Variants in ZNG1E observed in about 807,000 individuals in gnomAD.
ZNG1E encodes zinc-regulated GTPase metalloprotein activator 1E.
chr9:65,680,386 A>G, the ZNG1E span, among the ~76,000 whole-genome samples: 4 of 152,188 alleles, frequency 2.6e-5, no homozygotes, highest in Middle Eastern at 3.2e-3. Context: ...TTTTTTCATC[A>G]TCTTATTAAA....
At chr9:65,661,848 A>G in the ZNG1E span, among the ~76,000 whole-genome samples, 3 of 152,254 alleles carry the variant, frequency 2.0e-5, no homozygotes, top group Non-Finnish European at 2.9e-5. Context: ...GCACAACTGT[A>G]TAAATGTTAT....
chr9:65,657,254 A>C, the ZNG1E span, among the ~76,000 whole-genome samples: 1 of 151,390 alleles, frequency 6.6e-6, no homozygotes, highest in South Asian at 2.1e-4. Flanking sequence ...TATATTGAAA[A>C]GATATCTGCA....
the ZNG1E span, among the ~76,000 whole-genome samples, chr9:65,668,480 A>G: frequency 6.6e-6 from 1 of 150,760 alleles, no homozygotes; most frequent in African/African-American, 2.4e-5. Flanking sequence ...CATAATTTAT[A>G]TATAAATACT....
the ZNG1E span, among the ~76,000 whole-genome samples, chr9:65,687,778 T>C: frequency 6.9e-6 from 1 of 145,646 alleles, no homozygotes; most frequent in South Asian, 2.3e-4. Flanking sequence ...TTTTTCTCCC[T>C]CCCTCCTTGA....
At chr9:65,677,446 A>G in the ZNG1E span, among the ~76,000 whole-genome samples, 1 of 152,196 alleles carries the variant, frequency 6.6e-6, no homozygotes, top group African/African-American at 2.4e-5. Context: ...CCCTTTGTCC[A>G]TCTTTAGCTA....
chr9:65,662,946 A>G, the ZNG1E span, among the ~76,000 whole-genome samples: 12 of 152,000 alleles, frequency 7.9e-5, no homozygotes, highest in African/African-American at 2.7e-4. Context: ...TCTTGATCCA[A>G]GAGCTTTTAG....
chr9:65,659,189 T>C, the ZNG1E span, among the ~76,000 whole-genome samples: 1 of 152,146 alleles, frequency 6.6e-6, no homozygotes, highest in Non-Finnish European at 1.5e-5. Flanking sequence ...CACAGAGCAG[T>C]GCCTACCACA....
the ZNG1E span, among the ~76,000 whole-genome samples, chr9:65,660,828 G>GAT: frequency 7.8e-4 from 102 of 130,258 alleles, no homozygotes; most frequent in South Asian, 7.3e-4. Flanking sequence ...TGGTTATACA[G>GAT]ATATATATAT....
chr9:65,680,582 T>C, the ZNG1E span, among the ~76,000 whole-genome samples: 1 of 152,224 alleles, frequency 6.6e-6, no homozygotes, highest in Admixed American at 6.6e-5. Context: ...AGCTGAAATA[T>C]AAAAAATATG....
chr9:65,710,713 T>C, the ZNG1E span, among the ~76,000 whole-genome samples: 1 of 149,970 alleles, frequency 6.7e-6, no homozygotes, highest in Non-Finnish European at 1.5e-5. Context: ...CATTGATCTA[T>C]ATCTCTGTTT....
the ZNG1E span, among the ~76,000 whole-genome samples, chr9:65,687,474 A>G: frequency 6.6e-6 from 1 of 152,250 alleles, no homozygotes; most frequent in Non-Finnish European, 1.5e-5. Flanking sequence ...TTGGCTAGGT[A>G]TAAAATTTAT....
chr9:65,698,861 T>A, the ZNG1E span, among the ~76,000 whole-genome samples: 1 of 141,060 alleles, frequency 7.1e-6, no homozygotes, highest in Non-Finnish European at 1.5e-5. Flanking sequence ...TTCTTTGGGA[T>A]TGAAGATTTT....
chr9:65,721,069 G>A, the ZNG1E span, among the ~76,000 whole-genome samples: 1 of 149,776 alleles, frequency 6.7e-6, no homozygotes, highest in Non-Finnish European at 1.5e-5. Context: ...AGAACGTGAT[G>A]CCAAGAATCA....
chr9:65,658,028 G>A, the ZNG1E span, among the ~76,000 whole-genome samples: 3 of 152,160 alleles, frequency 2.0e-5, no homozygotes, highest in Admixed American at 1.3e-4. Context: ...GAACCTGGGA[G>A]GCGGAGGTTG....
At chr9:65,691,383 C>T in the ZNG1E span, among the ~76,000 whole-genome samples, 1 of 151,416 alleles carries the variant, frequency 6.6e-6, no homozygotes, top group East Asian at 1.9e-4. Flanking sequence ...CACCCTGCCT[C>T]TTTTGTTTTT....
the ZNG1E span, among the ~76,000 whole-genome samples, chr9:65,709,304 C>G: frequency 6.6e-6 from 1 of 150,626 alleles, no homozygotes. Context: ...ACTCTCTTCA[C>G]TTTATTTTTT....
the ZNG1E span, among the ~76,000 whole-genome samples, chr9:65,691,597 C>T: frequency 2.0e-5 from 3 of 152,252 alleles, no homozygotes; most frequent in Admixed American, 6.5e-5. Flanking sequence ...AAAAACAATG[C>T]TTTGTAGGTT....
At chr9:65,673,519 T>C in the ZNG1E span, among the ~76,000 whole-genome samples, 2 of 151,962 alleles carry the variant, frequency 1.3e-5, no homozygotes, top group Admixed American at 1.3e-4. Context: ...GGCTACATAC[T>C]GTTACAACAA....
chr9:65,710,456 T>G, the ZNG1E span, among the ~76,000 whole-genome samples: 8 of 150,654 alleles, frequency 5.3e-5, no homozygotes, highest in Non-Finnish European at 1.2e-4. Context: ...TGGTAATGCC[T>G]AGGTTTTCTT....
Sources: gnomAD v4.1 joint callset for allele counts (sites outside exome capture counted in the v4.1 genomes callset) on GRCh38, gnomAD v4.1.1 for gene constraint, MANE v1.5 for transcripts, NCBI Gene and HGNC (gene_info 2026-07-23, HGNC 2026-07-21) for gene names.